MAML3: variants seen among roughly 807,000 people sequenced by gnomAD.
MAML3 encodes mastermind like transcriptional coactivator 3.
In MAML3, 27 loss-of-function variants were observed where a neutral mutation model predicts 101.9. The ratio of observed to expected loss-of-function variants is 0.27; its 90% confidence interval spans 0.20 to 0.37. MAML3 has a LOEUF of 0.37. Among genes scored for constraint, MAML3 ranks in the 10% least tolerant of loss-of-function variants. The probability of loss-of-function intolerance (pLI) is 1.00; values close to 1 mark genes in which losing one functional copy is unlikely to be tolerated. For missense variants in MAML3, 1,316 were observed against 1,444.9 expected (o/e 0.91, Z 1.45); for synonymous variants, 501 against 555.9 (o/e 0.90, Z 1.39).
intron 1 of MAML3, among the ~76,000 whole-genome samples, chr4:139,894,436 G>A (rs1344401072): frequency 6.6e-6 from 1 of 151,924 alleles, no homozygotes; most frequent in Non-Finnish European, 1.5e-5. Flanking sequence ...CTTGAACCTG[G>A]GAGGCAGGGG....
At chr4:139,741,726 G>A (rs1431066942) in intron 2 of MAML3, among the ~76,000 whole-genome samples, 1 of 152,216 alleles carries the variant, frequency 6.6e-6, no homozygotes, top group Non-Finnish European at 1.5e-5. Context: ...CAGCTTGGGT[G>A]ACAGAGTGAG....
chr4:140,105,764 C>G (rs1284101532), intron 1 of MAML3, among the ~76,000 whole-genome samples: 2 of 152,044 alleles, frequency 1.3e-5, no homozygotes, highest in East Asian at 3.9e-4. Context: ...GTCAATACAC[C>G]CATCACACAT....
chr4:139,981,475 T>C (rs1027957681), intron 1 of MAML3, among the ~76,000 whole-genome samples: 14 of 152,172 alleles, frequency 9.2e-5, no homozygotes, highest in Non-Finnish European at 2.1e-4. Context: ...ATACAGAAAG[T>C]TCCCATATAT....
intron 1 of MAML3, among the ~76,000 whole-genome samples, chr4:140,068,715 G>A (rs1727580261): frequency 6.6e-6 from 1 of 152,122 alleles, no homozygotes; most frequent in African/African-American, 2.4e-5. Context: ...TTGCTGTGAG[G>A]ATTTAATATG....
chr4:139,884,511 T>G (rs761147533), intron 2 of MAML3, among the ~76,000 whole-genome samples: 2 of 152,226 alleles, frequency 1.3e-5, no homozygotes, highest in Admixed American at 6.5e-5. Context: ...CCCTTTCTGC[T>G]CTTCCCCACA....
chr4:139,971,049 T>C (rs756052470), intron 1 of MAML3, among the ~76,000 whole-genome samples: 1 of 152,252 alleles, frequency 6.6e-6, no homozygotes, highest in Non-Finnish European at 1.5e-5. Flanking sequence ...TATGTGTCTA[T>C]GTATTAAGGA....
intron 1 of MAML3, among the ~76,000 whole-genome samples, chr4:139,993,642 A>G (rs946275826): frequency 3.9e-5 from 6 of 152,042 alleles, no homozygotes; most frequent in African/African-American, 1.4e-4. Context: ...CCTGGCCAAC[A>G]TGATGAAACC....
chr4:140,067,898 T>G lies in MAML3; in HGVS notation c.468+84962A>C, dbSNP rs541792733. ...ATAGGCATATGCCACCACGCCCGGC[T>G]AATTTTGTACTTTTAGTAGAGACAA... On this transcript the variant is annotated intron_variant, in intron 1 of 4. Transcript: ENST00000509479. 2.2e-4 allele frequency among the ~76,000 whole-genome samples: 34 copies of G among 152,266 alleles called. No individual in the cohort carries two copies. The East Asian group carries it at 6.4e-3, about 29-fold the overall frequency.
At chr4:139,730,813 T>C (rs1728676009) in intron 2 of MAML3, 146 bp from the exon 3 acceptor site, 1 of 700,282 alleles carries the variant, frequency 1.4e-6, no homozygotes. Context: ...TGCATTTCCA[T>C]AAACGTAGCT....
At position 139,735,571 on chromosome 4, in the gene MAML3, T is replaced by TA. The variant is rs1728905138; in HGVS notation, c.2080-4905dup. On this transcript the variant is annotated intron_variant, in intron 2 of 4. Transcript: ENST00000509479. The surrounding 1 kb of genome is among the most constrained non-coding windows in gnomAD (Gnocchi z 5.8). ...CAAAGCCGGCCCGGGGAGGGGGCGA[T>TA]AAGGAGCGAGCCTCGGGTCGGCCCG... Among the ~76,000 whole-genome samples, 1 of 152,032 alleles carries TA rather than the reference T, an allele frequency of 6.6e-6. No individual in the cohort carries two copies. Among genetic ancestry groups the TA allele is most frequent in the Admixed American group, 6.5e-5 (1 of 15,274 alleles).
intron 2 of MAML3, among the ~76,000 whole-genome samples, chr4:139,846,300 C>A (rs1731445103): frequency 6.6e-6 from 1 of 152,074 alleles, no homozygotes; most frequent in Non-Finnish European, 1.5e-5. Flanking sequence ...AAACAACCTA[C>A]TAATAATAGT....
intron 1 of MAML3, among the ~76,000 whole-genome samples, chr4:139,940,029 G>A (rs1165071936): frequency 2.0e-5 from 3 of 152,126 alleles, no homozygotes; most frequent in Admixed American, 6.5e-5. Context: ...CTCCCAAAGT[G>A]CTGTGATTAC....
intron 2 of MAML3, among the ~76,000 whole-genome samples, chr4:139,837,267 C>T (rs990858440): frequency 5.3e-5 from 8 of 152,048 alleles, no homozygotes; most frequent in African/African-American, 1.4e-4. Context: ...GAGGCCGAGA[C>T]GGGCGGATCA....
intron 1 of MAML3, among the ~76,000 whole-genome samples, chr4:139,944,040 T>C (rs1206722741): frequency 1.3e-5 from 2 of 151,886 alleles, no homozygotes; most frequent in South Asian, 2.1e-4. Context: ...CCGACTAATA[T>C]TTTGTAATTT....
chr4:140,086,948 TC>T (rs1353111543), intron 1 of MAML3, among the ~76,000 whole-genome samples: 1 of 152,138 alleles, frequency 6.6e-6, no homozygotes, highest in Non-Finnish European at 1.5e-5. Flanking sequence ...TCACCTGAGA[TC>T]AGGAGTTCGA....
chr4:139,868,630 T>C (rs1193404657), intron 2 of MAML3, among the ~76,000 whole-genome samples: 1 of 152,174 alleles, frequency 6.6e-6, no homozygotes, highest in Non-Finnish European at 1.5e-5. Flanking sequence ...CATATATAAA[T>C]GGAGGTAATA....
chr4:139,825,644 G>C (rs1731048410), intron 2 of MAML3, among the ~76,000 whole-genome samples: 1 of 152,080 alleles, frequency 6.6e-6, no homozygotes, highest in South Asian at 2.1e-4. Flanking sequence ...AGTGCCATTA[G>C]AGCCTCCCCA....
At chr4:139,733,572 A>C (rs1054976268) in intron 2 of MAML3, among the ~76,000 whole-genome samples, 11 of 152,206 alleles carry the variant, frequency 7.2e-5, no homozygotes, top group African/African-American at 2.6e-4. Context: ...AAAAAAAAAA[A>C]AAACCCTCCC....
At chr4:140,056,462 A>G (rs1727350703) in intron 1 of MAML3, among the ~76,000 whole-genome samples, 1 of 151,026 alleles carries the variant, frequency 6.6e-6, no homozygotes, top group African/African-American at 2.4e-5. Context: ...GGTTCAAAAG[A>G]TTCTCCTGCC....
Sources: allele counts gnomAD v4.1 joint callset (sites outside exome capture counted in the v4.1 genomes callset), GRCh38; gene constraint gnomAD v4.1.1; non-coding constraint Gnocchi (gnomAD v3.1); transcripts MANE v1.5; gene names NCBI Gene and HGNC (gene_info 2026-07-23, HGNC 2026-07-21).